Variants in SLC25A19 observed in about 807,000 individuals in gnomAD.
SLC25A19 encodes solute carrier family 25 member 19, also known as mitochondrial thiamine pyrophosphate carrier.
SLC25A19 carries 18 observed loss-of-function variants against 27.9 expected under a neutral mutation model. That is an observed-to-expected ratio of 0.64 (90% CI 0.45 to 0.96). SLC25A19 has a LOEUF of 0.96. SLC25A19 is among the 40% of genes least tolerant of loss of function. The probability of loss-of-function intolerance (pLI) is 0.00; values close to 1 mark genes in which losing one functional copy is unlikely to be tolerated. For missense variants in SLC25A19, 371 were observed against 418.3 expected (o/e 0.89, Z 0.99); for synonymous variants, 169 against 167.1 (o/e 1.01, Z -0.09).
At chr17:75,282,449 G>A (rs1485532083) in intron 5 of SLC25A19, among the ~76,000 whole-genome samples, 5 of 152,236 alleles carry the variant, frequency 3.3e-5, no homozygotes, top group South Asian at 4.1e-4. Flanking sequence ...ACTGGGAGGC[G>A]GAGGCAGGAG....
At chr17:75,280,764 CAG>C (rs897788119) in intron 5 of SLC25A19, among the ~76,000 whole-genome samples, 1 of 151,656 alleles carries the variant, frequency 6.6e-6, no homozygotes, top group Non-Finnish European at 1.5e-5. Context: ...GCCTCAGCGA[CAG>C]AGTGAGACTT....
chr17:75,273,856 G>T, intron 7 of SLC25A19: 1 of 488,682 alleles, frequency 2.0e-6, no homozygotes. Flanking sequence ...TGCCTCCCAG[G>T]TTCAAGTGAT....
intron 5 of SLC25A19, among the ~76,000 whole-genome samples, chr17:75,279,022 T>C (rs2077970154): frequency 1.4e-5 from 2 of 140,860 alleles, no homozygotes; most frequent in Admixed American, 7.1e-5. Flanking sequence ...AATAAATAAA[T>C]AAATAATAAA....
intron 5 of SLC25A19, among the ~76,000 whole-genome samples, chr17:75,280,130 G>A (rs147866889): frequency 8.1e-4 from 123 of 152,280 alleles, no homozygotes; most frequent in African/African-American, 2.8e-3. Flanking sequence ...ACTTTGGGAA[G>A]CCAAGGCAGG....
At chr17:75,279,993 G>T (rs1443140450) in intron 5 of SLC25A19, among the ~76,000 whole-genome samples, 1 of 151,498 alleles carries the variant, frequency 6.6e-6, no homozygotes, top group Admixed American at 6.6e-5. Flanking sequence ...GAGCCATGTT[G>T]CCCACATCAA....
intron 4 of SLC25A19, among the ~76,000 whole-genome samples, chr17:75,285,932 A>G (rs2078170466): frequency 6.6e-6 from 1 of 152,198 alleles, no homozygotes; most frequent in African/African-American, 2.4e-5. Flanking sequence ...CCTCCCTGAG[A>G]TCCACATGAC....
intron 6 of SLC25A19, 109 bp downstream of exon 6, chr17:75,278,042 AC>A: frequency 1.7e-6 from 2 of 1,179,602 alleles, no homozygotes; most frequent in South Asian, 2.5e-5. Context: ...AGGTACAGAG[AC>A]CCGCGGTCTT....
chr17:75,278,432 A>G, intron 5 of SLC25A19, 97 bp from the exon 6 acceptor site: 2 of 1,380,500 alleles, frequency 1.4e-6, no homozygotes, highest in Non-Finnish European at 2.0e-6. Flanking sequence ...AATACCAGCT[A>G]CCAGGAGCGA....
chr17:75,282,640 G>A lies in SLC25A19; in HGVS notation c.459+783C>T, dbSNP rs1244873166. Among the ~76,000 whole-genome samples, 7 of 152,028 alleles carry A rather than the reference G, an allele frequency of 4.6e-5. 1 individual carries two copies. Among genetic ancestry groups the A allele is most frequent in the African/African-American group, 9.7e-5 (4 of 41,394 alleles). On this transcript the variant is annotated intron_variant, in intron 5 of 7. Transcript: ENST00000416858. ...GGAGGCCGAGGCAGGCGGATCACGA[G>A]GTCAGGAGATCGAGACCATCCTGTG...
rs766927152 is a variant in SLC25A19 at position 75,286,300 on chromosome 17, C to G, written c.288+4G>C. On this transcript the variant is annotated splice_donor_region_variant and intron_variant, in intron 4 of 7. Transcript: ENST00000416858. ...GAGGTCTGGCCAGGTCCCTTGCCACCTACTTGGACAGCTCCATAGCCTATG... is the reference window on the plus strand; with the variant it reads ...GAGGTCTGGCCAGGTCCCTTGCCACGTACTTGGACAGCTCCATAGCCTATG... The G allele has an allele frequency of 2.5e-6, 4 of 1,613,710 alleles. No individual in the cohort carries two copies. The highest frequency in any genetic ancestry group is 3.4e-6 in the Non-Finnish European group (4 of 1,180,022).
In SLC25A19 at chr17:75,278,115, GGTGGGAGGGCTCCCTCTC is replaced by G; in HGVS notation, c.643+19_643+36del. 1 of 1,608,434 alleles carries G rather than the reference GGTGGGAGGGCTCCCTCTC, an allele frequency of 6.2e-7. No individual in the cohort carries two copies. ...TGGAAGGGGGTGTTCTGGTGGCTGG[GGTGGGAGGGCTCCCTCTC>G]GTGTGAGGGCTGCCTCACCATTTTT... On this transcript the variant is annotated intron_variant, in intron 6 of 7. Coordinates refer to ENST00000416858, the MANE Select transcript of SLC25A19 (RefSeq NM_001126121.2).
chr17:75,280,376 TAAAG>T (rs1225111022), intron 5 of SLC25A19, among the ~76,000 whole-genome samples: 1 of 150,744 alleles, frequency 6.6e-6, no homozygotes, highest in East Asian at 2.0e-4. Flanking sequence ...GCCTTAAAAA[TAAAG>T]AAAAAAAGCC....
chr17:75,283,796 T>C (rs2078114443), intron 4 of SLC25A19, among the ~76,000 whole-genome samples: 1 of 152,022 alleles, frequency 6.6e-6, no homozygotes, highest in South Asian at 2.1e-4. Flanking sequence ...GATACTTGAG[T>C]AGAGTCAGAC....
intron 7 of SLC25A19, 129 bp downstream of exon 7, chr17:75,277,222 GGA>G: frequency 1.7e-6 from 2 of 1,198,674 alleles, no homozygotes; most frequent in Non-Finnish European, 1.2e-6. Flanking sequence ...GGGATCTCAA[GGA>G]ATGGACGCAG....
intron 2 of SLC25A19, 96 bp from the exon 3 acceptor site, chr17:75,286,898 T>C: frequency 8.2e-7 from 1 of 1,214,098 alleles, no homozygotes. Flanking sequence ...GACTAGACTG[T>C]CTAAAATAGC....
chr17:75,274,297 G>A (rs2077806421), intron 7 of SLC25A19, among the ~76,000 whole-genome samples: 1 of 152,048 alleles, frequency 6.6e-6, no homozygotes, highest in African/African-American at 2.4e-5. Context: ...CTGGCCCTCA[G>A]TAGCTCTCAG....
In SLC25A19 at chr17:75,277,241, G is replaced by A. The variant is rs1027549375; in HGVS notation, c.774+112C>T. ...TCTCAAGGAATGGACGCAGGTGAAGGGGCCATGGCCAGGGGTGATGTTGCC... is the reference window on the plus strand; with the variant it reads ...TCTCAAGGAATGGACGCAGGTGAAGAGGCCATGGCCAGGGGTGATGTTGCC... On this transcript the variant is annotated intron_variant, in intron 7 of 7. Coordinates refer to ENST00000416858, the MANE Select transcript of SLC25A19 (RefSeq NM_001126121.2). The A allele has an allele frequency of 5.7e-6, 8 of 1,393,728 alleles. No homozygotes were observed. The African/African-American group carries it at 8.5e-5, about 15-fold the overall frequency. 86.3% of individuals were successfully genotyped at this position (1,393,728 alleles called of 1,614,324 possible).
chr17:75,283,692 G>A (rs982657544), intron 4 of SLC25A19, 99 bp from the exon 5 acceptor site: 3 of 1,170,476 alleles, frequency 2.6e-6, no homozygotes, highest in African/African-American at 3.0e-5. Context: ...TGGGGCCCAG[G>A]TGGAGGGGCG....
chr17:75,275,497 G>C (rs760950901), intron 7 of SLC25A19, among the ~76,000 whole-genome samples: 3 of 152,024 alleles, frequency 2.0e-5, no homozygotes, highest in Non-Finnish European at 4.4e-5. Context: ...GATACAGAGG[G>C]GAAAGGCCTG....
Sources: gnomAD v4.1 joint callset for allele counts (sites outside exome capture counted in the v4.1 genomes callset) on GRCh38, gnomAD v4.1.1 for gene constraint, MANE v1.5 for transcripts, NCBI Gene and HGNC (gene_info 2026-07-23, HGNC 2026-07-21) for gene names.